Variants in HEATR5A observed in about 807,000 individuals in gnomAD.
The protein encoded by HEATR5A is HEAT repeat-containing protein 5A.
A neutral mutation model predicts 218.8 loss-of-function variants in HEATR5A; 178 were observed. The observed-to-expected ratio is 0.81, with a 90% confidence interval of 0.72 to 0.92. The LOEUF (loss-of-function observed/expected upper bound fraction) is 0.92. HEATR5A is among the 40% of genes least tolerant of loss of function. The pLI, the probability that HEATR5A is intolerant of heterozygous loss-of-function variation, is 0.00. For synonymous variants in HEATR5A, 864 were observed against 871.6 expected (o/e 0.99, Z 0.15); for missense variants, 2,420 against 2,418.9 (o/e 1.00, Z -0.01).
At chr14:31,334,432 A>G in intron 22 of HEATR5A, 1 of 456,148 alleles carries the variant, frequency 2.2e-6, no homozygotes. Flanking sequence ...GATGGAATCT[A>G]CTCCTGGTGA....
intron 24 of HEATR5A, among the ~76,000 whole-genome samples, chr14:31,322,894 C>T (rs1485737687): frequency 2.0e-5 from 3 of 148,454 alleles, no homozygotes; most frequent in Non-Finnish European, 3.0e-5. Context: ...AAAAATCAGA[C>T]ATCAAACCAT....
intron 11 of HEATR5A, among the ~76,000 whole-genome samples, chr14:31,377,814 A>G (rs1056816818): frequency 3.9e-5 from 6 of 152,174 alleles, no homozygotes; most frequent in African/African-American, 1.4e-4. Context: ...GAATAAAAAT[A>G]GATAATAAAG....
chr14:31,321,786 A>G (rs528449248), intron 24 of HEATR5A, 106 bp from the exon 25 acceptor site: 293 of 800,572 alleles, frequency 3.7e-4, no homozygotes, highest in Non-Finnish European at 5.3e-4. Context: ...TCCTTTAAGT[A>G]CCTCTGACTT....
intron 9 of HEATR5A, among the ~76,000 whole-genome samples, chr14:31,384,930 C>G (rs1471235230): frequency 1.3e-5 from 2 of 152,102 alleles, no homozygotes; most frequent in African/African-American, 2.4e-5. Context: ...CAACTAACTA[C>G]AAAGACAGTG....
At chr14:31,295,188 G>T (rs1039938328) in intron 34 of HEATR5A, among the ~76,000 whole-genome samples, 1 of 152,102 alleles carries the variant, frequency 6.6e-6, no homozygotes, top group Non-Finnish European at 1.5e-5. Flanking sequence ...GGATAAATTT[G>T]TGTGTATTGC....
intron 2 of HEATR5A, among the ~76,000 whole-genome samples, chr14:31,401,907 A>G (rs575669033): frequency 6.6e-6 from 1 of 152,236 alleles, no homozygotes; most frequent in Admixed American, 6.5e-5. Context: ...TGCTATCTGA[A>G]TAAAGAGTAC....
chr14:31,312,597 G>C (rs1262464876), intron 28 of HEATR5A, among the ~76,000 whole-genome samples: 2 of 152,020 alleles, frequency 1.3e-5, no homozygotes, highest in African/African-American at 4.8e-5. Flanking sequence ...GTTTTTAGTA[G>C]AAATGGGGTT....
intron 13 of HEATR5A, 167 bp downstream of exon 13, chr14:31,371,643 A>G (rs764325548): frequency 4.8e-6 from 2 of 415,208 alleles, no homozygotes; most frequent in Non-Finnish European, 8.6e-6. Context: ...TTCCCTTTTA[A>G]TATGTAATTT....
rs56997456 is a variant in HEATR5A at position 31,387,563 on chromosome 14, A to ATT, written c.934-190_934-189dup. Among the ~76,000 whole-genome samples, 1,342 of 143,900 alleles carry ATT rather than the reference A, an allele frequency of 9.3e-3. 15 individuals carry two copies. The highest frequency in any genetic ancestry group is 0.03 in the African/African-American group (1,184 of 39,284). The allele number at this position is 143,900 out of a possible 152,430, so 94.4% of individuals were successfully genotyped here. On this transcript the variant is annotated intron_variant, in intron 7 of 35. Transcript: ENST00000543095. ...TTTGTTTAAGCCAGAACTGAAGTGC[A>ATT]TTTTTTTTTTTTTTGAGACGGAGTC...
rs760585008 is a variant in HEATR5A at position 31,293,307 on chromosome 14, A to C, written c.6139T>G (p.Ter2047GlyextTer15). ...TGCTTACTATTCCAAAAAAAAAATC[A>C]GAGGAAACTGGTCTTTAATTGGATG... is the stretch of plus-strand genomic sequence containing the variant. ...SSIQLKTSFL[*>G] The change falls in exon 36 of 36, where the codon TGA becomes GGA. Residue 2047 changes from the stop codon to glycine (G), a stop_lost. Transcript: ENST00000543095. The C allele has an allele frequency of 1.3e-6, 2 of 1,573,818 alleles. No individual in the cohort carries two copies. Among genetic ancestry groups the C allele is most frequent in the South Asian group, 2.4e-5 (2 of 84,172 alleles).
intron 22 of HEATR5A, among the ~76,000 whole-genome samples, chr14:31,328,447 T>C (rs1900344945): frequency 6.6e-6 from 1 of 152,128 alleles, no homozygotes; most frequent in South Asian, 2.1e-4. Flanking sequence ...ATTTTTTGGA[T>C]GACTAGGGAA....
At position 31,313,056 on chromosome 14, in the gene HEATR5A, G is replaced by C. The variant is rs1262111275; in HGVS notation, c.4353C>G (p.Gly1451=). The change falls in exon 28 of 36, where the codon GGC becomes GGG. Residue 1451 remains glycine, a synonymous_variant. Coordinates refer to ENST00000543095, the MANE Select transcript of HEATR5A (RefSeq NM_015473.4). The part of the protein sequence containing the change: ...GLLDLVYADL[G]TLSRLWLAAL... Reference sequence around the variant, plus strand: ...CAGCAAGCCAGAGTCTGCTTAGTGTGCCAAGATCTGCATAGACTAAGTCAA... The same window carrying C: ...CAGCAAGCCAGAGTCTGCTTAGTGTCCCAAGATCTGCATAGACTAAGTCAA... The C allele has an allele frequency of 1.2e-6, 2 of 1,613,940 alleles. No homozygotes were observed. Among genetic ancestry groups the C allele is most frequent in the Non-Finnish European group, 1.7e-6 (2 of 1,179,846 alleles).
At chr14:31,328,620 C>T (rs1262683347) in intron 22 of HEATR5A, among the ~76,000 whole-genome samples, 1 of 152,094 alleles carries the variant, frequency 6.6e-6, no homozygotes, top group Non-Finnish European at 1.5e-5. Context: ...TGGCTCACGC[C>T]CATAATCCCA....
chr14:31,316,870 T>A (rs1899929159), intron 26 of HEATR5A, among the ~76,000 whole-genome samples: 1 of 152,148 alleles, frequency 6.6e-6, no homozygotes, highest in African/African-American at 2.4e-5. Context: ...TATTTTTTTA[T>A]AGAGAAAGGA....
Position 31,383,612 on chromosome 14 carries a change from G to A in HEATR5A, c.1505C>T (p.Pro502Leu), listed in dbSNP as rs2030085283. 6.2e-7 allele frequency: 1 copy of A among 1,613,962 alleles called. No individual in the cohort carries two copies. Among genetic ancestry groups the A allele is most frequent in the Non-Finnish European group, 8.5e-7 (1 of 1,179,864 alleles). The change falls in exon 10 of 36, where the codon CCT becomes CTT. Residue 502 changes from proline to leucine, a missense_variant. Physicochemically the swap from Pro to Leu is moderately conservative, Grantham distance 98. Transcript: ENST00000543095. Reference sequence around the variant, plus strand: ...AAAACTGAAGCCAGTCACTGCTTCAGGTGAAGACTTATGTCCAGTAAGCCG... The same window carrying A: ...AAAACTGAAGCCAGTCACTGCTTCAAGTGAAGACTTATGTCCAGTAAGCCG... ...LERLTGHKSS[P>L]EAVTGFSFAV...
At chr14:31,353,808 G>GT (rs937608481) in intron 16 of HEATR5A, among the ~76,000 whole-genome samples, 1,520 of 135,396 alleles carry the variant, frequency 0.011, 18 homozygotes, top group African/African-American at 0.036. Flanking sequence ...GGCATTTTTT[G>GT]TTTTTTTTTG....
In HEATR5A at chr14:31,400,433, C is replaced by T. The variant is rs541257371; in HGVS notation, c.206G>A (p.Arg69His). 13 of 1,535,784 alleles carry T rather than the reference C, an allele frequency of 8.5e-6. No homozygotes were observed. In the Admixed American group the frequency reaches 1.6e-4, roughly 19 times the overall value. ...LLNSSPGPPTRKLLAKNLAIL... is the reference protein window; with the variant it reads ...LLNSSPGPPTHKLLAKNLAIL... Reference sequence around the variant, plus strand: ...GGCTAGATTCTTAGCAAGCAGTTTGCGGGTAGGAGGCCCTGGGGAGCTGTT... The same window carrying T: ...GGCTAGATTCTTAGCAAGCAGTTTGTGGGTAGGAGGCCCTGGGGAGCTGTT... Residue 69 changes from arginine (R) to histidine (H), a missense_variant, in exon 3 of 36, where the codon CGC (arginine) becomes CAC (histidine). Arg to His is a conservative substitution (Grantham distance 29, BLOSUM62 0). Transcript: ENST00000543095.
In HEATR5A at chr14:31,307,940, C is replaced by A; in HGVS notation, c.4771G>T (p.Ala1591Ser). 6.2e-7 allele frequency: 1 copy of A among 1,613,808 alleles called. No homozygotes were observed. The change falls in exon 30 of 36, where the codon GCA becomes TCA. Residue 1591 changes from alanine (A) to serine (S), a missense_variant. Transcript: ENST00000543095. ...CTGGGCCAAGGTACATCTAGAAGTGCTTGCAATGCATGTAAACAAGCAGTT... is the reference window on the plus strand; with the variant it reads ...CTGGGCCAAGGTACATCTAGAAGTGATTGCAATGCATGTAAACAAGCAGTT... ...SITACLHALQ[A>S]LLDVPWPRSK...
At chr14:31,414,498 T>C (rs563402922) in intron 1 of HEATR5A, among the ~76,000 whole-genome samples, 3 of 152,316 alleles carry the variant, frequency 2.0e-5, no homozygotes, top group East Asian at 1.9e-4. Context: ...ATATTGAATA[T>C]AGATATTTTT....
Sources: gnomAD v4.1 joint callset for allele counts (sites outside exome capture counted in the v4.1 genomes callset) on GRCh38, gnomAD v4.1.1 for gene constraint, MANE v1.5 for transcripts, NCBI Gene and HGNC (gene_info 2026-07-23, HGNC 2026-07-21) for gene names.